PDK1: variants seen among roughly 807,000 people sequenced by gnomAD.
PDK1 encodes [Pyruvate dehydrogenase (acetyl-transferring)] kinase isozyme 1, mitochondrial.
A neutral mutation model predicts 54.2 loss-of-function variants in PDK1; 39 were observed. That is an observed-to-expected ratio of 0.72 (90% CI 0.56 to 0.94). The LOEUF is 0.94. PDK1 is among the 40% of genes least tolerant of loss of function. PDK1 has a pLI of 0.00. For synonymous variants in PDK1, 221 were observed against 207.1 expected, an observed-to-expected ratio of 1.07 and a Z score of -0.58; for missense variants, 552 against 566.0, an observed-to-expected ratio of 0.98 and a Z score of 0.25.
At chr2:172,654,775 T>G in the PDK1 span, among the ~76,000 whole-genome samples, 1 of 152,188 alleles carries the variant, frequency 6.6e-6, no homozygotes, top group South Asian at 2.1e-4. Context: ...AAAAAATTTT[T>G]TTTAATGTCA....
the PDK1 span, among the ~76,000 whole-genome samples, chr2:172,685,448 A>C: frequency 6.6e-6 from 1 of 152,246 alleles, no homozygotes; most frequent in Non-Finnish European, 1.5e-5. Context: ...GCACAAAGAA[A>C]TATCATTTGC....
intron 8 of PDK1, among the ~76,000 whole-genome samples, chr2:172,581,910 T>C (rs36118221): frequency 6.6e-6 from 1 of 151,948 alleles, no homozygotes; most frequent in Non-Finnish European, 1.5e-5. Flanking sequence ...TGTCTTTTTT[T>C]TGTGTGTGTG....
In PDK1 at chr2:172,607,599, A is replaced by G. The variant is rs1691339279; in HGVS notation, c.*11630A>G. On this transcript the variant is annotated 3_prime_UTR_variant, in exon 11 of 11. Coordinates refer to ENST00000282077, the MANE Select transcript of PDK1 (RefSeq NM_002610.5). ...AAGCTCTGTGTTCTTTCTAACTAGTAGAATGGAGTGGGATGGTATCGTGAT... is the reference window on the plus strand; with the variant it reads ...AAGCTCTGTGTTCTTTCTAACTAGTGGAATGGAGTGGGATGGTATCGTGAT... The G allele has an allele frequency of 6.6e-6, 1 of 152,236 alleles. No individual in the cohort carries two copies. Among genetic ancestry groups the G allele is most frequent in the Admixed American group, 6.5e-5 (1 of 15,280 alleles). The allele number at this position is 152,236 out of a possible 1,614,324, so 9.4% of individuals were successfully genotyped here. A position where few individuals can be genotyped will look rare whatever the true frequency, so the allele number is the denominator to read the frequency against.
At chr2:172,589,269 A>C (rs1024772928) in intron 9 of PDK1, among the ~76,000 whole-genome samples, 1 of 152,236 alleles carries the variant, frequency 6.6e-6, no homozygotes, top group Non-Finnish European at 1.5e-5. Context: ...TAGCTCACTC[A>C]AATTATGAAA....
intron 8 of PDK1, among the ~76,000 whole-genome samples, chr2:172,578,455 AT>A (rs1184873934): frequency 6.6e-6 from 1 of 152,040 alleles, no homozygotes; most frequent in Non-Finnish European, 1.5e-5. Flanking sequence ...GATGCATATC[AT>A]TTTATTGCCC....
At chr2:172,556,563 G>C (rs1217203718) in intron 1 of PDK1, 1 of 411,970 alleles carries the variant, frequency 2.4e-6, no homozygotes, top group Non-Finnish European at 4.3e-6. Context: ...GGCTTTGACC[G>C]TATTGTTGAA....
At chr2:172,722,735 G>T in the PDK1 span, among the ~76,000 whole-genome samples, 10 of 152,090 alleles carry the variant, frequency 6.6e-5, no homozygotes, top group African/African-American at 1.7e-4. Context: ...CAAGCTCTTG[G>T]ATGCATTCAG....
chr2:172,713,827 C>T, the PDK1 span, among the ~76,000 whole-genome samples: 35 of 152,236 alleles, frequency 2.3e-4, no homozygotes, highest in East Asian at 5.6e-3. Flanking sequence ...CGTCTGTTCC[C>T]GGCTCCCCCG....
At chr2:172,632,145 G>C in the PDK1 span, among the ~76,000 whole-genome samples, 1 of 151,970 alleles carries the variant, frequency 6.6e-6, no homozygotes, top group East Asian at 1.9e-4. Context: ...ATGGCAGCCT[G>C]TAATCCCAGC....
intron 5 of PDK1, among the ~76,000 whole-genome samples, chr2:172,565,516 C>G (rs1688888219): frequency 6.6e-6 from 1 of 152,068 alleles, no homozygotes; most frequent in African/African-American, 2.4e-5. Flanking sequence ...GTTGGCCAGG[C>G]TGGTCTGGAA....
At chr2:172,660,155 T>C in the PDK1 span, among the ~76,000 whole-genome samples, 22,448 of 150,074 alleles carry the variant, frequency 0.15, 2,914 homozygotes, top group East Asian at 0.53. Context: ...TCCAGGATTG[T>C]TTACTAATGT....
the PDK1 span, among the ~76,000 whole-genome samples, chr2:172,669,662 C>T: frequency 6.6e-6 from 1 of 152,202 alleles, no homozygotes; most frequent in African/African-American, 2.4e-5. Context: ...TTTCTCTCCA[C>T]GTCCTTACCA....
intron 9 of PDK1, among the ~76,000 whole-genome samples, chr2:172,590,972 C>T (rs754853728): frequency 7.2e-5 from 11 of 152,230 alleles, no homozygotes; most frequent in South Asian, 2.1e-4. Flanking sequence ...GGGCGATGAC[C>T]GCTGTAGCTA....
At chr2:172,620,310 G>T in the PDK1 span, among the ~76,000 whole-genome samples, 1 of 152,218 alleles carries the variant, frequency 6.6e-6, no homozygotes, top group Non-Finnish European at 1.5e-5. Context: ...GGAACCAGAA[G>T]ACAGAAGCAC....
chr2:172,624,524 C>G, the PDK1 span, among the ~76,000 whole-genome samples: 12 of 152,032 alleles, frequency 7.9e-5, no homozygotes, highest in Non-Finnish European at 1.6e-4. Flanking sequence ...AAACCATCCC[C>G]CGAACACCAT....
chr2:172,614,648 A>G, the PDK1 span, among the ~76,000 whole-genome samples: 4 of 152,068 alleles, frequency 2.6e-5, no homozygotes, highest in African/African-American at 4.8e-5. Context: ...TGAACACCCA[A>G]TGGGATAATT....
chr2:172,637,711 A>G, the PDK1 span, among the ~76,000 whole-genome samples: 1 of 151,766 alleles, frequency 6.6e-6, no homozygotes, highest in Non-Finnish European at 1.5e-5. Flanking sequence ...TTTTTATTTT[A>G]TTGAGATGGA....
the PDK1 span, among the ~76,000 whole-genome samples, chr2:172,711,865 C>CAAAAAA: frequency 1.8e-4 from 4 of 22,782 alleles, no homozygotes; most frequent in East Asian, 3.7e-3. Flanking sequence ...GAACCTAGCT[C>CAAAAAA]AAAAAAAAAA....
At chr2:172,570,015 C>A (rs140449052) in intron 7 of PDK1, among the ~76,000 whole-genome samples, 1,934 of 152,282 alleles carry the variant, frequency 0.013, 48 homozygotes, top group African/African-American at 0.043. Context: ...CTAATCTTAA[C>A]CTGCCTTTGG....
Sources: gnomAD v4.1 joint callset for allele counts (sites outside exome capture counted in the v4.1 genomes callset) on GRCh38, gnomAD v4.1.1 for gene constraint, MANE v1.5 for transcripts, NCBI Gene and HGNC (gene_info 2026-07-23, HGNC 2026-07-21) for gene names.